CAPS2: variants seen among roughly 807,000 people sequenced by gnomAD.
The protein encoded by CAPS2 is calcyphosin-2.
A neutral mutation model predicts 86.5 loss-of-function variants in CAPS2; 98 were observed. The ratio of observed to expected loss-of-function variants is 1.13; its 90% CI spans 0.96 to 1.34. CAPS2 has a LOEUF of 1.34. Ranked by LOEUF, CAPS2 falls within the 40% of genes most tolerant of loss-of-function variation. CAPS2 has a pLI of 0.00. For synonymous variants in CAPS2, 210 were observed against 225.1 expected (o/e 0.93, Z 0.60); for missense variants, 729 against 686.8 (o/e 1.06, Z -0.69).
At chr12:75,350,254 C>A (rs1361766212) in intron 1 of CAPS2, among the ~76,000 whole-genome samples, 1 of 152,182 alleles carries the variant, frequency 6.6e-6, no homozygotes, top group Non-Finnish European at 1.5e-5. Flanking sequence ...GAGAGGAGCC[C>A]CTAGGAGGAG....
chr12:75,374,241 C>T (rs537629978), intron 1 of CAPS2, among the ~76,000 whole-genome samples: 2 of 152,328 alleles, frequency 1.3e-5, no homozygotes, highest in East Asian at 3.9e-4. Flanking sequence ...GGACCTGTTG[C>T]AGAGCCTTCT....
upstream of CAPS2, chr12:75,334,685 G>A (rs769992780): frequency 3.8e-6 from 6 of 1,587,554 alleles, no homozygotes; most frequent in Non-Finnish European, 5.1e-6. Flanking sequence ...AGCCGTTACT[G>A]GTCCGCGCAG....
chr12:75,368,273 T>G (rs190847154), intron 1 of CAPS2, among the ~76,000 whole-genome samples: 4 of 151,796 alleles, frequency 2.6e-5, no homozygotes, highest in African/African-American at 9.6e-5. Context: ...TTTGCATTTA[T>G]TTTTAGAATT....
intron 1 of CAPS2, chr12:75,370,017 A>C: frequency 8.3e-7 from 1 of 1,205,288 alleles, no homozygotes; most frequent in South Asian, 1.3e-5. Flanking sequence ...GTATTAATTA[A>C]ATTATTTCCT....
chr12:75,358,823 T>C (rs1159966862), intron 1 of CAPS2, among the ~76,000 whole-genome samples: 2 of 143,892 alleles, frequency 1.4e-5, no homozygotes, highest in African/African-American at 5.1e-5. Context: ...TTTAAATATA[T>C]ATAATATATA....
chr12:75,278,409 A>G, exon 17 of CAPS2: 1 of 984,542 alleles, frequency 1.0e-6, no homozygotes, highest in Non-Finnish European at 1.2e-6. Context: ...TTAAAAACAC[A>G]TTGAATTATC....
chr12:75,331,206 C>G (rs934398821), upstream of CAPS2, among the ~76,000 whole-genome samples: 2 of 152,144 alleles, frequency 1.3e-5, no homozygotes, highest in Admixed American at 6.5e-5. Context: ...ACTAACTTTC[C>G]TAAATTACAC....
At chr12:75,312,872 T>C (rs1354913655) in exon 7 of CAPS2, 1 of 1,605,362 alleles carries the variant, frequency 6.2e-7, no homozygotes, top group South Asian at 1.1e-5. Flanking sequence ...TATCATCACT[T>C]GCTCTGCAAC....
At chr12:75,326,721 A>T (rs2040822120), upstream of CAPS2, among the ~76,000 whole-genome samples, 1 of 152,228 alleles carries the variant, frequency 6.6e-6, no homozygotes, top group Admixed American at 6.5e-5. Flanking sequence ...CCCCCAAAGA[A>T]GGCCATCTCT....
chr12:75,345,465 G>A (rs2042386351), intron 1 of CAPS2, among the ~76,000 whole-genome samples: 1 of 152,098 alleles, frequency 6.6e-6, no homozygotes, highest in African/African-American at 2.4e-5. Flanking sequence ...AATATAAAGA[G>A]CTAACCTTCT....
rs150357713 is a variant in CAPS2 at position 75,372,552 on chromosome 12, A to T, written c.-395+18286T>A. On this transcript the variant is annotated intron_variant, in intron 1 of 5. Transcript: ENST00000551829. Reference sequence around the variant, plus strand: ...GCAAAAATTTTGCTAGTGGATCACTAGGGGTGATGGTGAGTGGTGCCACTT... The same window carrying T: ...GCAAAAATTTTGCTAGTGGATCACTTGGGGTGATGGTGAGTGGTGCCACTT... Among the ~76,000 whole-genome samples the T allele has an allele frequency of 8.4e-4, 128 of 152,308 alleles. 1 individual carries two copies. The Middle Eastern group carries it at 0.01, about 12-fold the overall frequency.
intron 1 of CAPS2, among the ~76,000 whole-genome samples, chr12:75,387,749 C>A (rs1227315837): frequency 6.6e-6 from 1 of 152,158 alleles, no homozygotes; most frequent in African/African-American, 2.4e-5. Context: ...ACCCATTAAT[C>A]TACGAATGGA....
chr12:75,305,411 C>A (rs900679877), intron 7 of CAPS2: 2 of 434,498 alleles, frequency 4.6e-6, no homozygotes, highest in Admixed American at 7.7e-5. Context: ...TCAAAGTGCT[C>A]CTGGACGCAG....
chr12:75,342,835 TA>T (rs2042206504), intron 1 of CAPS2, among the ~76,000 whole-genome samples: 1 of 152,124 alleles, frequency 6.6e-6, no homozygotes, highest in South Asian at 2.1e-4. Context: ...TTAAGTCTTT[TA>T]CAACTTCTTT....
chr12:75,326,460 C>A, exon 1 of CAPS2: 2 of 1,543,170 alleles, frequency 1.3e-6, no homozygotes, highest in Non-Finnish European at 1.8e-6. Flanking sequence ...GAATTTGGCT[C>A]CTAGAAGTGG....
chr12:75,357,756 C>G (rs112452345), intron 1 of CAPS2, among the ~76,000 whole-genome samples: 49 of 151,842 alleles, frequency 3.2e-4, no homozygotes, highest in African/African-American at 1.1e-3. Context: ...TTCTAAATAA[C>G]TCATGAATCA....
chr12:75,331,038 A>G (rs190427122), upstream of CAPS2, among the ~76,000 whole-genome samples: 3 of 151,924 alleles, frequency 2.0e-5, no homozygotes, highest in Admixed American at 2.0e-4. Context: ...CCTGCCTCAG[A>G]CTCCCAGAGT....
chr12:75,320,388 T>G (rs555480901), intron 5 of CAPS2, among the ~76,000 whole-genome samples: 4 of 152,176 alleles, frequency 2.6e-5, no homozygotes, highest in Non-Finnish European at 5.9e-5. Context: ...TGGTATATCC[T>G]GCAAACAATA....
At chr12:75,278,934 C>A (rs1176165535) in exon 17 of CAPS2, 3 of 1,603,310 alleles carry the variant, frequency 1.9e-6, no homozygotes, top group Non-Finnish European at 2.6e-6. Flanking sequence ...AAGTCTTCAT[C>A]ATCTACTATT....
Sources: allele counts gnomAD v4.1 joint callset (sites outside exome capture counted in the v4.1 genomes callset), GRCh38; gene constraint gnomAD v4.1.1; transcripts MANE v1.5; gene names NCBI Gene and HGNC (gene_info 2026-07-23, HGNC 2026-07-21).